The following PSG7 variants were observed in gnomAD, a reference collection of about 807,000 sequenced individuals.
PSG7 encodes the protein pregnancy-specific beta-1-glycoprotein 7.
In PSG7, 57 loss-of-function variants were observed where a neutral mutation model predicts 45.6. That is an observed-to-expected ratio of 1.25 (90% confidence interval 1.01 to 1.56). The LOEUF is 1.56. Among genes scored for constraint, PSG7 ranks in the 40% most tolerant of loss-of-function variants. The pLI, the probability that PSG7 is intolerant of heterozygous loss-of-function variation, is 0.00. For missense variants in PSG7, 796 were observed against 508.4 expected, an observed-to-expected ratio of 1.57 and a Z score of -5.44; for synonymous variants, 298 against 194.4, an observed-to-expected ratio of 1.53 and a Z score of -4.43.
At chr19:42,927,901 A>G (rs753946042) in intron 3 of PSG7, among the ~76,000 whole-genome samples, 3 of 151,664 alleles carry the variant, frequency 2.0e-5, no homozygotes, top group Non-Finnish European at 2.9e-5. Flanking sequence ...ACTTAGGACA[A>G]AAAGTGTTTT....
chr19:42,936,922 T>C (rs1384176666), intron 1 of PSG7, 91 bp downstream of exon 1: 29 of 1,560,852 alleles, frequency 1.9e-5, no homozygotes, highest in Non-Finnish European at 2.5e-5. Flanking sequence ...GCTGGCTTCT[T>C]TTATTTTTTA....
rs776815774 is a variant in PSG7, at chr19:42,925,758, C to G, written c.1243+15G>C. 1.2e-6 allele frequency: 2 copies of G among 1,611,856 alleles called. No homozygotes were observed. Among genetic ancestry groups the G allele is most frequent in the Non-Finnish European group, 1.7e-6 (2 of 1,178,946 alleles). On this transcript the variant is annotated intron_variant, in intron 5 of 5. Coordinates refer to ENST00000406070, the MANE Select transcript of PSG7 (RefSeq NM_002783.3). Reference sequence around the variant, plus strand: ...ACCTAAAACCCTATTGCCAAGGATGCTGGGATCCACTTACCAGAGACTCTG... The same window carrying G: ...ACCTAAAACCCTATTGCCAAGGATGGTGGGATCCACTTACCAGAGACTCTG...
rs1166083318 is a variant in PSG7 at position 42,925,927 on chromosome 19, C to G, written c.1089G>C (p.Gln363His). 1 of 1,612,230 alleles carries G rather than the reference C, an allele frequency of 6.2e-7. No individual in the cohort carries two copies. Among genetic ancestry groups the G allele is most frequent in the Non-Finnish European group, 8.5e-7 (1 of 1,179,184 alleles). ...ACTTCCCATTAATTGTCCAAGAATA[C>G]TGTGCCGGTGGGTTAGAGTCCGCAA... ...SCFADSNPPA[Q>H]YSWTINGKFQ... is the part of the protein sequence containing the mutation. Residue 363 changes from glutamine to histidine, a missense_variant, in exon 5 of 6, where the codon CAG becomes CAC. Gln to His is a conservative substitution (Grantham distance 24). Transcript: ENST00000406070.
chr19:42,931,384 A>G lies in PSG7; in HGVS notation c.431-1664T>C, dbSNP rs1293505693. ...CTCCTTAAGTAGAGAGAGTCCCGTT[A>G]AAAGGACAGAACTGGTCAGTGCATC... On this transcript the variant is annotated intron_variant, in intron 2 of 5. Transcript: ENST00000406070. Among the ~76,000 whole-genome samples, 20 of 151,682 alleles carry G rather than the reference A, an allele frequency of 1.3e-4. No individual in the cohort carries two copies. In the East Asian group the frequency reaches 2.9e-3, roughly 22 times the overall value.
chr19:42,925,587 T>C, intron 5 of PSG7, 186 bp downstream of exon 5: 2 of 1,388,504 alleles, frequency 1.4e-6, no homozygotes, highest in African/African-American at 1.5e-5. Flanking sequence ...GTTATGAAGA[T>C]ATCAGCCTGT....
intron 2 of PSG7, among the ~76,000 whole-genome samples, chr19:42,932,187 C>A (rs1353978395): frequency 6.6e-6 from 1 of 151,322 alleles, no homozygotes; most frequent in Non-Finnish European, 1.5e-5. Context: ...CCACGTCCCA[C>A]TAATTTTTTG....
At chr19:42,930,161 A>G (rs1384281323) in intron 2 of PSG7, among the ~76,000 whole-genome samples, 2 of 151,620 alleles carry the variant, frequency 1.3e-5, no homozygotes, top group Non-Finnish European at 1.5e-5. Context: ...CTAGAGATGG[A>G]TGATGGAACT....
rs561842687 is a variant in PSG7 at position 42,933,875 on chromosome 19, G to T, written c.430+1529C>A. Among the ~76,000 whole-genome samples the T allele has an allele frequency of 1.8e-4, 28 of 151,424 alleles. No individual in the cohort carries two copies. The South Asian group carries it at 4.6e-3, about 25-fold the overall frequency. ...GCTTCAGAGTTACATGAGGTGGGGTGGCTTTAGGGGCAAGAGGTAGTGGGG... is the reference window on the plus strand; with the variant it reads ...GCTTCAGAGTTACATGAGGTGGGGTTGCTTTAGGGGCAAGAGGTAGTGGGG... On this transcript the variant is annotated intron_variant, in intron 2 of 5. Transcript: ENST00000406070.
chr19:42,933,643 C>G lies in PSG7; in HGVS notation c.430+1761G>C, dbSNP rs138096758. Among the ~76,000 whole-genome samples, 342 of 150,312 alleles carry G rather than the reference C, an allele frequency of 2.3e-3. 5 individuals are homozygous for G. The highest frequency in any genetic ancestry group is 3.1e-3 in the Admixed American group (47 of 15,050). ...GAGGGAGTGTCTGCGGAAGGCCTAG[C>G]AGTGGAGGAAGAAGCTGTGCAGGAC... On this transcript the variant is annotated intron_variant, in intron 2 of 5. Transcript: ENST00000406070.
Position 42,937,154 on chromosome 19 carries a change from G to C in PSG7, c.-78C>G. 1 of 1,556,736 alleles carries C rather than the reference G, an allele frequency of 6.4e-7. No individual in the cohort carries two copies. The highest frequency in any genetic ancestry group is 8.8e-7 in the Non-Finnish European group (1 of 1,138,310). ...ATCTTCCTGAGCACGGCTGTCAGCT[G>C]TGCTGTCCTTCCTCCTTCTGCACTG... On this transcript the variant is annotated 5_prime_UTR_variant, in exon 1 of 6. Coordinates refer to ENST00000406070, the MANE Select transcript of PSG7 (RefSeq NM_002783.3).
chr19:42,931,346 T>C (rs1007114130), intron 2 of PSG7, among the ~76,000 whole-genome samples: 2 of 145,568 alleles, frequency 1.4e-5, no homozygotes, highest in Non-Finnish European at 3.0e-5. Flanking sequence ...CCAAAGGTGA[T>C]TTGAATTAGC....
chr19:42,933,288 TATATATATATATATATA>T lies in PSG7; in HGVS notation c.430+2099_430+2115del, dbSNP rs1414654645. Among the ~76,000 whole-genome samples, 20 of 11,974 alleles carry T rather than the reference TATATATATATATATATA, an allele frequency of 1.7e-3. 1 individual carries two copies. The highest frequency in any genetic ancestry group is 4.8e-3 in the South Asian group (1 of 210). 7.9% of individuals were successfully genotyped at this position (11,974 alleles called of 152,430 possible). On this transcript the variant is annotated intron_variant, in intron 2 of 5. Transcript: ENST00000406070. ...TTCAATATATATATATATATATATATATATATATATATATATATATTTTTTTTTTTTTTTGGTGTATG... is the reference window on the plus strand; with the variant it reads ...TTCAATATATATATATATATATATATTATTTTTTTTTTTTTTTGGTGTATG...
chr19:42,926,406 C>T (rs773580667), intron 4 of PSG7, 32 bp downstream of exon 4: 3 of 1,608,414 alleles, frequency 1.9e-6, no homozygotes, highest in Admixed American at 1.7e-5. Context: ...TCCTGGCCCA[C>T]AGAGGAAGAA....
chr19:42,929,367 G>A, intron 3 of PSG7, 75 bp downstream of exon 3: 1 of 1,609,792 alleles, frequency 6.2e-7, no homozygotes, highest in East Asian at 2.2e-5. Context: ...ACCTGAGAGG[G>A]ACTGAGAAGC....
At chr19:42,926,870 G>A in intron 3 of PSG7, 154 bp from the exon 4 acceptor site, 1 of 1,379,826 alleles carries the variant, frequency 7.2e-7, no homozygotes, top group Middle Eastern at 2.7e-4. Context: ...GATGCATGAT[G>A]ATCTAAGGGC....
chr19:42,935,061 C>T (rs1375499826), intron 2 of PSG7, among the ~76,000 whole-genome samples: 1 of 151,568 alleles, frequency 6.6e-6, no homozygotes, highest in Non-Finnish European at 1.5e-5. Flanking sequence ...CTCAGGGGGC[C>T]CCTCAGGCCA....
At chr19:42,928,713 G>A (rs7246357) in intron 3 of PSG7, among the ~76,000 whole-genome samples, 3,116 of 151,404 alleles carry the variant, frequency 0.021, 175 homozygotes, top group African/African-American at 0.071. Flanking sequence ...TCTGCAGAGG[G>A]CAGGTGGCTC....
rs567030989 is a variant in PSG7, at chr19:42,928,040, T to A, written c.710-1324A>T. Among the ~76,000 whole-genome samples, 53 of 151,796 alleles carry A rather than the reference T, an allele frequency of 3.5e-4. 1 individual carries two copies. The highest frequency in any genetic ancestry group is 1.0e-3 in the African/African-American group (42 of 41,352). On this transcript the variant is annotated intron_variant, in intron 3 of 5. Coordinates refer to ENST00000406070, the MANE Select transcript of PSG7 (RefSeq NM_002783.3). ...CTTTTCAGCATCAGATTAGTAGGCA[T>A]AAGTGGGAGGTGATAAGCCAAAGAT...
Position 42,926,637 on chromosome 19 carries a change from T to A in PSG7, c.789A>T (p.Glu263Asp), listed in dbSNP as rs1393337003. 2 of 1,609,954 alleles carry A rather than the reference T, an allele frequency of 1.2e-6. No homozygotes were observed. The highest frequency in any genetic ancestry group is 2.7e-5 in the African/African-American group (2 of 74,518). ...TGTAGGTGTAGTTCTCACTCTTAGG[T>A]TCACAGGTGAAGGTTGAGACATCCT... ...ENKDVSTFTCEPKSENYTYIW... is the reference protein window; with the variant it reads ...ENKDVSTFTCDPKSENYTYIW... The change falls in exon 4 of 6, where the codon GAA becomes GAT. Residue 263 changes from glutamate to aspartate, a missense_variant. Glu to Asp is a conservative substitution (Grantham distance 45). Transcript: ENST00000406070.
Sources: allele counts gnomAD v4.1 joint callset (sites outside exome capture counted in the v4.1 genomes callset), GRCh38; gene constraint gnomAD v4.1.1; transcripts MANE v1.5; gene names NCBI Gene and HGNC (gene_info 2026-07-23, HGNC 2026-07-21).